Variants in GPR55 observed in about 807,000 individuals in gnomAD.
GPR55 encodes the protein G-protein coupled receptor 55.
A neutral mutation model predicts 7.9 loss-of-function variants in GPR55; 6 were observed. That is an observed-to-expected ratio of 0.76 (90% CI 0.41 to 1.49). The LOEUF (loss-of-function observed/expected upper bound fraction) is 1.49, where lower values mean the gene tolerates loss of function less well. GPR55 is among the 40% of genes most tolerant of loss of function. The probability of loss-of-function intolerance (pLI) is 0.01; values close to 1 mark genes in which losing one functional copy is unlikely to be tolerated. For synonymous variants in GPR55, 183 were observed against 166.8 expected (o/e 1.10, Z -0.75); for missense variants, 376 against 406.0 (o/e 0.93, Z 0.63).
chr2:230,926,682 CTTTTTTTTTT>C (rs56318183), upstream of GPR55, among the ~76,000 whole-genome samples: 17 of 100,972 alleles, frequency 1.7e-4, no homozygotes, highest in East Asian at 4.8e-3. Flanking sequence ...TGGCTACCTT[CTTTTTTTTTT>C]TTTTTTTTTT....
intron 1 of GPR55, among the ~76,000 whole-genome samples, chr2:230,941,711 A>G (rs1691237417): frequency 6.6e-6 from 1 of 150,696 alleles, no homozygotes; most frequent in Non-Finnish European, 1.5e-5. Flanking sequence ...GTTGAACGTC[A>G]CTCCCCCAGG....
At chr2:230,914,299 G>A (rs958900432) in intron 1 of GPR55, among the ~76,000 whole-genome samples, 3 of 152,112 alleles carry the variant, frequency 2.0e-5, no homozygotes, top group South Asian at 2.1e-4. Context: ...AGTATTCCCC[G>A]GTAGGATTAT....
chr2:230,945,437 T>A (rs144927647), intron 1 of GPR55, among the ~76,000 whole-genome samples: 191 of 151,216 alleles, frequency 1.3e-3, no homozygotes, highest in African/African-American at 4.5e-3. Context: ...AAAAAAGGGG[T>A]GACTTGGAAA....
chr2:230,957,608 G>A (rs1297352902), intron 1 of GPR55: 4 of 455,526 alleles, frequency 8.8e-6, no homozygotes, highest in Non-Finnish European at 1.4e-5. Context: ...CGCCGCTCCG[G>A]AGCCCGGCGA....
At chr2:230,918,342 C>A (rs574884455) in intron 1 of GPR55, among the ~76,000 whole-genome samples, 17 of 152,164 alleles carry the variant, frequency 1.1e-4, no homozygotes, top group Middle Eastern at 6.8e-3. Flanking sequence ...GTTGAAAAAC[C>A]TTGATGTAGT....
At chr2:230,913,554 A>C (rs1690640856) in intron 1 of GPR55, among the ~76,000 whole-genome samples, 1 of 152,180 alleles carries the variant, frequency 6.6e-6, no homozygotes, top group Non-Finnish European at 1.5e-5. Context: ...ATCTAGGAAA[A>C]AATACTTCCT....
intron 1 of GPR55, among the ~76,000 whole-genome samples, chr2:230,949,842 T>A (rs2125069304): frequency 6.6e-6 from 1 of 152,138 alleles, no homozygotes; most frequent in African/African-American, 2.4e-5. Context: ...TAAATTTATT[T>A]TTTTTTTTTG....
Position 230,923,788 on chromosome 2 carries a change from G to T in GPR55, c.-135+1380C>A, listed in dbSNP as rs1208660310. On this transcript the variant is annotated intron_variant, in intron 1 of 1. Transcript: ENST00000650999. This position sits in a 1 kb window ranked among gnomAD's most constrained non-coding sequence, Gnocchi z 4.1. Reference sequence around the variant, plus strand: ...TAAAGATTCTACCCAAGGTCAAAAAGGCCGTGAGGGACCAGCTGGAACTCA... The same window carrying T: ...TAAAGATTCTACCCAAGGTCAAAAATGCCGTGAGGGACCAGCTGGAACTCA... 6.6e-6 allele frequency among the ~76,000 whole-genome samples: 1 copy of T among 152,140 alleles called. No homozygotes were observed. Among genetic ancestry groups the T allele is most frequent in the Non-Finnish European group, 1.5e-5 (1 of 68,026 alleles).
At chr2:230,943,877 G>C (rs1392839561) in intron 1 of GPR55, among the ~76,000 whole-genome samples, 1 of 152,238 alleles carries the variant, frequency 6.6e-6, no homozygotes, top group Non-Finnish European at 1.5e-5. Flanking sequence ...CAGAAGCAGG[G>C]CAGATGCCGG....
At chr2:230,951,947 T>G (rs1691411644) in intron 1 of GPR55, among the ~76,000 whole-genome samples, 1 of 151,730 alleles carries the variant, frequency 6.6e-6, no homozygotes, top group South Asian at 2.1e-4. Context: ...TTAATTTTTT[T>G]GCAGAAACGG....
intron 1 of GPR55, among the ~76,000 whole-genome samples, chr2:230,911,939 T>G (rs965127690): frequency 1.3e-5 from 2 of 151,984 alleles, no homozygotes. Flanking sequence ...TGCATCAAGG[T>G]ATGTAGCCCT....
At chr2:230,956,668 A>G (rs1691487349) in intron 1 of GPR55, among the ~76,000 whole-genome samples, 1 of 152,224 alleles carries the variant, frequency 6.6e-6, no homozygotes, top group Admixed American at 6.5e-5. Flanking sequence ...CAATACCATG[A>G]TCACAATGAA....
chr2:230,929,941 CAGGTCCTCCTG>C, upstream of GPR55: 1 of 152,388 alleles, frequency 6.6e-6, no homozygotes, highest in East Asian at 1.9e-4. Flanking sequence ...CTGTCTCATC[CAGGTCCTCCTG>C]AGGCCCTCCT....
intron 1 of GPR55, among the ~76,000 whole-genome samples, chr2:230,922,842 T>C (rs939292825): frequency 6.6e-6 from 1 of 152,214 alleles, no homozygotes; most frequent in Admixed American, 6.5e-5. Flanking sequence ...GTGCTGGGAT[T>C]ACGGGTGTGA....
chr2:230,951,629 G>A (rs1199065569), intron 1 of GPR55, among the ~76,000 whole-genome samples: 2 of 152,158 alleles, frequency 1.3e-5, no homozygotes, highest in Non-Finnish European at 2.9e-5. Context: ...AAGGCTGACA[G>A]CTCCGCTTTG....
chr2:230,951,140 G>T (rs1410918080), intron 1 of GPR55, among the ~76,000 whole-genome samples: 3 of 152,200 alleles, frequency 2.0e-5, no homozygotes, highest in Non-Finnish European at 4.4e-5. Context: ...CTTGAAGTTG[G>T]TCGGTCAGAA....
In GPR55 at chr2:230,952,522, C is replaced by T. The variant is rs116516186; in HGVS notation, c.-135+8253G>A. Reference sequence around the variant, plus strand: ...TTTTCTGCACATTCCCAGGGCAGGGCTGCTGACACCTCTACAGCCTCTGCT... The same window carrying T: ...TTTTCTGCACATTCCCAGGGCAGGGTTGCTGACACCTCTACAGCCTCTGCT... On this transcript the variant is annotated intron_variant, in intron 1 of 1. Coordinates refer to the GPR55 transcript ENST00000392039. Among the ~76,000 whole-genome samples, 888 of 152,318 alleles carry T rather than the reference C, an allele frequency of 5.8e-3. 13 individuals are homozygous for T. The highest frequency in any genetic ancestry group is 0.02 in the African/African-American group (827 of 41,548).
intron 1 of GPR55, among the ~76,000 whole-genome samples, chr2:230,951,872 C>A (rs544899113): frequency 6.6e-6 from 1 of 151,458 alleles, no homozygotes; most frequent in African/African-American, 2.4e-5. Context: ...GATCCTCTTA[C>A]CTCAGCCTCC....
In GPR55 at chr2:230,910,274, G is replaced by T; in HGVS notation, c.689C>A (p.Ala230Asp). ...QQKACIYSIA[A>D]SLAVFVVSFL... Reference sequence around the variant, plus strand: ...GGAGACCACGAAGACAGCCAGGCTGGCTGCGATGCTGTAGATGCAGGCTTT... The same window carrying T: ...GGAGACCACGAAGACAGCCAGGCTGTCTGCGATGCTGTAGATGCAGGCTTT... The change falls in exon 2 of 2, where the codon GCC (alanine) becomes GAC (aspartate). Residue 230 changes from alanine to aspartate, a missense_variant. Transcript: ENST00000650999. The surrounding 1 kb of genome is among the most constrained non-coding windows in gnomAD (Gnocchi z 5.4). 3 of 1,614,032 alleles carry T rather than the reference G, an allele frequency of 1.9e-6. No individual in the cohort carries two copies. The highest frequency in any genetic ancestry group is 1.7e-6 in the Non-Finnish European group (2 of 1,179,972).
Sources: gnomAD v4.1 joint callset for allele counts (sites outside exome capture counted in the v4.1 genomes callset) on GRCh38, gnomAD v4.1.1 for gene constraint, Gnocchi (gnomAD v3.1) non-coding constraint, MANE v1.5 for transcripts, NCBI Gene and HGNC (gene_info 2026-07-23, HGNC 2026-07-21) for gene names.